PLEKHA3: variants seen among roughly 807,000 people sequenced by gnomAD.
PLEKHA3 encodes pleckstrin homology domain-containing family A member 3.
A neutral mutation model predicts 39.2 loss-of-function variants in PLEKHA3; 19 were observed. That is an observed-to-expected ratio of 0.48 (90% confidence interval 0.34 to 0.71). PLEKHA3 has a LOEUF of 0.71. Among genes scored for constraint, PLEKHA3 ranks in the 30% least tolerant of loss-of-function variants. The pLI is 0.01. For missense variants in PLEKHA3, 253 were observed against 359.5 expected, an observed-to-expected ratio of 0.70 and a Z score of 2.40; for synonymous variants, 97 against 118.6, an observed-to-expected ratio of 0.82 and a Z score of 1.18.
Position 178,505,632 on chromosome 2 carries a change from T to G in PLEKHA3, c.*1745T>G, listed in dbSNP as rs1321575819. On this transcript the variant is annotated 3_prime_UTR_variant, in exon 8 of 8. Transcript: ENST00000234453. ...CCATGAAGGTCAGGGTGCTATTGAT[T>G]GGGAGTTTTTTCTGGTAGTGAGTTT... is the stretch of plus-strand genomic sequence containing the variant. 1 of 151,640 alleles carries G rather than the reference T, an allele frequency of 6.6e-6. No individual in the cohort carries two copies. Among genetic ancestry groups the G allele is most frequent in the Admixed American group, 6.6e-5 (1 of 15,214 alleles). The allele number at this position is 151,640 out of a possible 1,614,324, so 9.4% of individuals were successfully genotyped here.
At position 178,499,182 on chromosome 2, in the gene PLEKHA3, ATTTT is replaced by A; in HGVS notation, c.616-17_616-14del. The A allele has an allele frequency of 3.0e-6, 4 of 1,337,810 alleles. No individual in the cohort carries two copies. Among genetic ancestry groups the A allele is most frequent in the Admixed American group, 2.0e-5 (1 of 50,636 alleles). The allele number at this position is 1,337,810 out of a possible 1,614,324, so 82.9% of individuals were successfully genotyped here. On this transcript the variant is annotated intron_variant, in intron 5 of 7. Transcript: ENST00000234453. ...TCTACTTGACATATGGATTATGCTA[ATTTT>A]TTTTTTTTTTTCCAAAATTTCTAGA...
intron 3 of PLEKHA3, among the ~76,000 whole-genome samples, chr2:178,492,046 A>G (rs1685356751): frequency 6.6e-6 from 1 of 152,174 alleles, no homozygotes; most frequent in Non-Finnish European, 1.5e-5. Flanking sequence ...CAGACTCAAC[A>G]TGAGTTTTGC....
intron 2 of PLEKHA3, among the ~76,000 whole-genome samples, chr2:178,488,310 G>A (rs567791591): frequency 6.6e-6 from 1 of 152,288 alleles, no homozygotes; most frequent in African/African-American, 2.4e-5. Context: ...TACCTTTTGA[G>A]GAACAGAAGT....
Position 178,511,143 on chromosome 2 carries a change from C to T in PLEKHA3, c.*7256C>T, listed in dbSNP as rs1685678609. 2 of 152,090 alleles carry T rather than the reference C, an allele frequency of 1.3e-5. No individual in the cohort carries two copies. The highest frequency in any genetic ancestry group is 1.3e-4 in the Admixed American group (2 of 15,270). 9.4% of individuals were successfully genotyped at this position (152,090 alleles called of 1,614,324 possible). A position where few individuals can be genotyped will look rare whatever the true frequency, so the allele number is the denominator to read the frequency against. On this transcript the variant is annotated 3_prime_UTR_variant, in exon 8 of 8. Coordinates refer to ENST00000234453, the MANE Select transcript of PLEKHA3 (RefSeq NM_019091.4). ...TTCTACGGCTACAGAGCCGCATACT[C>T]GAAGGAGGGAGATTTTTATTTGTAA...
In PLEKHA3 at chr2:178,503,988, C is replaced by A. The variant is rs1487740064; in HGVS notation, c.*101C>A. The A allele has an allele frequency of 7.9e-7, 1 of 1,265,314 alleles. No homozygotes were observed. The highest frequency in any genetic ancestry group is 1.1e-6 in the Non-Finnish European group (1 of 903,752). The allele number at this position is 1,265,314 out of a possible 1,614,324, so 78.4% of individuals were successfully genotyped here. On this transcript the variant is annotated 3_prime_UTR_variant, in exon 8 of 8. Coordinates refer to ENST00000234453, the MANE Select transcript of PLEKHA3 (RefSeq NM_019091.4). ...TAGTTTTTTCCCTTAGGACTCTGCA[C>A]TTTATAGAATGTTGTAAAACAGACA...
chr2:178,501,666 T>A (rs1010908057), intron 7 of PLEKHA3, among the ~76,000 whole-genome samples: 1 of 152,136 alleles, frequency 6.6e-6, no homozygotes, highest in South Asian at 2.1e-4. Context: ...GGCAGCATAC[T>A]GTGATTGAAT....
intron 3 of PLEKHA3, among the ~76,000 whole-genome samples, chr2:178,491,607 G>A (rs1196454066): frequency 6.6e-6 from 1 of 152,178 alleles, no homozygotes; most frequent in East Asian, 1.9e-4. Context: ...GAAACTGAAA[G>A]CAAAGCAAAT....
At chr2:178,493,191 G>A (rs1685381082) in intron 3 of PLEKHA3, among the ~76,000 whole-genome samples, 1 of 152,010 alleles carries the variant, frequency 6.6e-6, no homozygotes, top group East Asian at 1.9e-4. Context: ...GATTATGGCT[G>A]GATGTTTAGT....
At position 178,514,101 on chromosome 2, in the gene PLEKHA3, CT is replaced by C. The variant is rs1168905133; in HGVS notation, c.*10216del. On this transcript the variant is annotated 3_prime_UTR_variant, in exon 8 of 8. Transcript: ENST00000234453. ...TTTAGCTTATTATTGATTTTTTTTT[CT>C]TGTTTTGCAGTTGTTGGCTAGAGAA... 2 of 148,536 alleles carry C rather than the reference CT, an allele frequency of 1.3e-5. No individual in the cohort carries two copies. The highest frequency in any genetic ancestry group is 3.0e-5 in the Non-Finnish European group (2 of 66,654). 9.2% of individuals were successfully genotyped at this position (148,536 alleles called of 1,614,324 possible). A position where few individuals can be genotyped will look rare whatever the true frequency, so the allele number is the denominator to read the frequency against.
chr2:178,505,372 G>C lies in PLEKHA3; in HGVS notation c.*1485G>C, dbSNP rs778274928. ...ATAAACAGTCTATACATTAATATGT[G>C]TTTGGGTAAACTGTATGCTACTTGA... is the stretch of plus-strand genomic sequence containing the variant. On this transcript the variant is annotated 3_prime_UTR_variant, in exon 8 of 8. Transcript: ENST00000234453. The C allele has an allele frequency of 4.6e-5, 7 of 151,812 alleles. No homozygotes were observed. The highest frequency in any genetic ancestry group is 1.3e-4 in the Admixed American group (2 of 15,234). The allele number at this position is 151,812 out of a possible 1,614,324, so 9.4% of individuals were successfully genotyped here. A position where few individuals can be genotyped will look rare whatever the true frequency, so the allele number is the denominator to read the frequency against.
At chr2:178,491,426 G>A (rs1423759823) in intron 3 of PLEKHA3, among the ~76,000 whole-genome samples, 2 of 152,184 alleles carry the variant, frequency 1.3e-5, no homozygotes, top group Non-Finnish European at 2.9e-5. Context: ...TCAGAATTAT[G>A]TGTATTGTTA....
At position 178,503,856 on chromosome 2, in the gene PLEKHA3, C is replaced by T. The variant is rs749327279; in HGVS notation, c.872C>T (p.Ser291Leu). ...CTTATGGCCAAAAAACAATCTGAAT[C>T]AGAAGATACTCTTCCATCCTTCTCT... is the stretch of plus-strand genomic sequence containing the variant. ...SRLMAKKQSE[S>L]EDTLPSFSS The change falls in exon 8 of 8, where the codon TCA (serine) becomes TTA (leucine). Residue 291 changes from serine (S) to leucine (L), a missense_variant. By Grantham distance (145) the Ser-to-Leu change is moderately radical (BLOSUM62 -2). This residue lies in a region of PLEKHA3 where 127 missense variants were observed against 136.8 expected (regional missense o/e 0.93). Coordinates refer to ENST00000234453, the MANE Select transcript of PLEKHA3 (RefSeq NM_019091.4). 1.9e-6 allele frequency: 3 copies of T among 1,611,724 alleles called. No homozygotes were observed. The highest frequency in any genetic ancestry group is 2.5e-6 in the Non-Finnish European group (3 of 1,178,206).
At chr2:178,483,848 A>C (rs548268868) in intron 1 of PLEKHA3, among the ~76,000 whole-genome samples, 1 of 152,280 alleles carries the variant, frequency 6.6e-6, no homozygotes, top group South Asian at 2.1e-4. Context: ...GGAGGCCAAG[A>C]TGGCAGGATT....
At position 178,511,548 on chromosome 2, in the gene PLEKHA3, T is replaced by A. The variant is rs1413483640; in HGVS notation, c.*7661T>A. The A allele has an allele frequency of 6.6e-6, 1 of 152,212 alleles. No homozygotes were observed. Among genetic ancestry groups the A allele is most frequent in the African/African-American group, 2.4e-5 (1 of 41,438 alleles). The allele number at this position is 152,212 out of a possible 1,614,324, so 9.4% of individuals were successfully genotyped here. On this transcript the variant is annotated 3_prime_UTR_variant, in exon 8 of 8. Transcript: ENST00000234453. ...ACCACCATGCCCAGCTGATGTTTTGTATTTTTACAAAAATTTTTCACCATG... is the reference window on the plus strand; with the variant it reads ...ACCACCATGCCCAGCTGATGTTTTGAATTTTTACAAAAATTTTTCACCATG...
intron 2 of PLEKHA3, among the ~76,000 whole-genome samples, chr2:178,489,289 T>C (rs1175429240): frequency 2.6e-5 from 4 of 152,204 alleles, no homozygotes; most frequent in Non-Finnish European, 5.9e-5. Flanking sequence ...GCAACATTTC[T>C]GTGGCACTTA....
chr2:178,503,436 T>C (rs1685560902), intron 7 of PLEKHA3, among the ~76,000 whole-genome samples: 3 of 151,950 alleles, frequency 2.0e-5, no homozygotes, highest in Non-Finnish European at 4.4e-5. Flanking sequence ...CAATAGTTAA[T>C]TAATAAAGAT....
In PLEKHA3 at chr2:178,480,724, C is replaced by G; in HGVS notation, c.-146C>G. On this transcript the variant is annotated 5_prime_UTR_variant, in exon 1 of 8. Transcript: ENST00000234453. ...TCCCGGCCTCTAAAGGCCGCCACGT[C>G]CCTGCGGCGCGCGCAGGCAGAAAGC... 1 of 581,110 alleles carries G rather than the reference C, an allele frequency of 1.7e-6. No individual in the cohort carries two copies. Among genetic ancestry groups the G allele is most frequent in the Non-Finnish European group, 2.5e-6 (1 of 393,048 alleles). The allele number at this position is 581,110 out of a possible 1,614,324, so 36.0% of individuals were successfully genotyped here.
chr2:178,516,083 C>CAT lies in PLEKHA3; in HGVS notation c.*12204_*12205dup, dbSNP rs909984852. ...ACACATACATATATATATATACATACATATATATACATAAAATGATTCTTG... is the reference window on the plus strand; with the variant it reads ...ACACATACATATATATATATACATACATATATATATACATAAAATGATTCTTG... On this transcript the variant is annotated 3_prime_UTR_variant, in exon 8 of 8. Coordinates refer to ENST00000234453, the MANE Select transcript of PLEKHA3 (RefSeq NM_019091.4). 6.6e-6 allele frequency: 1 copy of CAT among 150,558 alleles called. No homozygotes were observed. The highest frequency in any genetic ancestry group is 1.5e-5 in the Non-Finnish European group (1 of 67,644). The allele number at this position is 150,558 out of a possible 1,614,324, so 9.3% of individuals were successfully genotyped here. A position where few individuals can be genotyped will look rare whatever the true frequency, so the allele number is the denominator to read the frequency against.
At chr2:178,482,552 CA>C (rs557529546) in intron 1 of PLEKHA3, among the ~76,000 whole-genome samples, 5,101 of 89,350 alleles carry the variant, frequency 0.057, 228 homozygotes, top group African/African-American at 0.14. Flanking sequence ...GATCCTGTCT[CA>C]AAAAAAAAAA....
Sources: allele counts gnomAD v4.1 joint callset (sites outside exome capture counted in the v4.1 genomes callset), GRCh38; gene constraint gnomAD v4.1.1; regional missense constraint gnomAD v4.1.1; transcripts MANE v1.5; gene names NCBI Gene and HGNC (gene_info 2026-07-23, HGNC 2026-07-21).